The following DPP6 variants were observed in gnomAD, a reference collection of about 807,000 sequenced individuals.
The protein encoded by DPP6 is dipeptidyl peptidase like 6.
Under a neutral mutation model 122.6 loss-of-function variants are expected in DPP6, and 69 were observed. The observed-to-expected ratio is 0.56, with a 90% CI of 0.46 to 0.69. DPP6 has a LOEUF of 0.69. DPP6 is among the 30% of genes least tolerant of loss of function. The pLI, the probability that DPP6 is intolerant of heterozygous loss-of-function variation, is 0.00. For missense variants in DPP6, 928 were observed against 1,116.9 expected (o/e 0.83, Z 2.41); for synonymous variants, 418 against 433.1 (o/e 0.97, Z 0.43).
intron 6 of DPP6, among the ~76,000 whole-genome samples, chr7:154,665,040 T>C (rs1586844148): frequency 6.6e-6 from 1 of 152,220 alleles, no homozygotes; most frequent in East Asian, 1.9e-4. Context: ...TCTTTCTTCT[T>C]AGCACCCTCC....
At chr7:154,595,384 C>G (rs1480854161) in intron 5 of DPP6, among the ~76,000 whole-genome samples, 1 of 152,152 alleles carries the variant, frequency 6.6e-6, no homozygotes, top group African/African-American at 2.4e-5. Context: ...TCTACTCTGA[C>G]CTTGAGAAGG....
At chr7:153,765,988 A>G in the DPP6 span, among the ~76,000 whole-genome samples, 1 of 152,228 alleles carries the variant, frequency 6.6e-6, no homozygotes, top group Non-Finnish European at 1.5e-5. Context: ...AAGATTCTGC[A>G]TTTCTTACAA....
At chr7:154,557,112 T>C (rs147234785) in intron 4 of DPP6, among the ~76,000 whole-genome samples, 171 of 152,302 alleles carry the variant, frequency 1.1e-3, no homozygotes, top group African/African-American at 4.0e-3. Context: ...GGGAAGTTTG[T>C]TGATTTCAGG....
intron 1 of DPP6, among the ~76,000 whole-genome samples, chr7:153,935,382 C>T (rs1339359443): frequency 1.3e-5 from 2 of 152,114 alleles, no homozygotes; most frequent in Non-Finnish European, 2.9e-5. Flanking sequence ...GACAACTTCT[C>T]ATGTCAGCGT....
chr7:154,490,864 C>T (rs1013326068), intron 3 of DPP6, among the ~76,000 whole-genome samples: 24 of 152,114 alleles, frequency 1.6e-4, no homozygotes, highest in African/African-American at 3.1e-4. Flanking sequence ...GAGTGACAGC[C>T]GGAGACCAGG....
chr7:153,970,921 A>C (rs1381215687), intron 1 of DPP6, among the ~76,000 whole-genome samples: 1 of 152,040 alleles, frequency 6.6e-6, no homozygotes, highest in Admixed American at 6.6e-5. Context: ...CAGGTCGTTT[A>C]AGTCTTCAGA....
At chr7:153,886,112 T>TACACACACACACACACACACACACAC, upstream of DPP6, among the ~76,000 whole-genome samples, 1 of 140,414 alleles carries the variant, frequency 7.1e-6, no homozygotes, top group African/African-American at 2.7e-5. Context: ...GGCACGCCCT[T>TACACACACACACACACACACACACAC]ACACACACAC....
chr7:154,707,265 A>G (rs1840885048), intron 7 of DPP6, among the ~76,000 whole-genome samples: 1 of 152,224 alleles, frequency 6.6e-6, no homozygotes, highest in Non-Finnish European at 1.5e-5. Context: ...ATTTTCTCCC[A>G]TAAATTATCT....
chr7:154,127,361 AT>A (rs1807962985), intron 1 of DPP6, among the ~76,000 whole-genome samples: 1 of 152,148 alleles, frequency 6.6e-6, no homozygotes, highest in Non-Finnish European at 1.5e-5. Context: ...GATAAGAGGC[AT>A]TTTAGGTATA....
At chr7:154,479,570 A>AAAAAAAAAAAAAAG (rs572938567) in intron 3 of DPP6, among the ~76,000 whole-genome samples, 25 of 101,556 alleles carry the variant, frequency 2.5e-4, no homozygotes, top group African/African-American at 8.1e-4. Flanking sequence ...AAAAAAAAAA[A>AAAAAAAAAAAAAAG]AAAAGAAAAG....
intron 3 of DPP6, among the ~76,000 whole-genome samples, chr7:154,525,772 T>G (rs2130035469): frequency 6.6e-6 from 1 of 152,202 alleles, no homozygotes; most frequent in African/African-American, 2.4e-5. Context: ...TTTTGAGTTT[T>G]GCTTCTTGTA....
At chr7:154,141,826 G>C (rs1795862033) in intron 1 of DPP6, among the ~76,000 whole-genome samples, 1 of 152,210 alleles carries the variant, frequency 6.6e-6, no homozygotes, top group African/African-American at 2.4e-5. Context: ...AGTCAGGAAG[G>C]AAGTGTAGCT....
intron 1 of DPP6, among the ~76,000 whole-genome samples, chr7:154,159,345 G>A (rs1270218284): frequency 2.0e-5 from 3 of 152,100 alleles, no homozygotes; most frequent in Non-Finnish European, 4.4e-5. Flanking sequence ...TGAAATGTTA[G>A]GTCTGATCTG....
At chr7:153,839,913 G>A in the DPP6 span, among the ~76,000 whole-genome samples, 1 of 152,156 alleles carries the variant, frequency 6.6e-6, no homozygotes, top group Non-Finnish European at 1.5e-5. Context: ...AGAACTGTGG[G>A]TCTTTATCCA....
chr7:154,109,744 T>A lies in DPP6; in HGVS notation c.243+56681T>A, dbSNP rs1207186077. Among the ~76,000 whole-genome samples the A allele has an allele frequency of 6.3e-3, 934 of 149,004 alleles. 14 individuals are homozygous for A. Among genetic ancestry groups the A allele is most frequent in the African/African-American group, 0.022 (906 of 40,804 alleles). ...GACAGTAAGAATTTTGTGAGTTGCA[T>A]AATAGTCCATTGATTACCCTTTGTC... On this transcript the variant is annotated intron_variant, in intron 1 of 25. Transcript: ENST00000377770.
At chr7:154,148,445 G>A (rs1298254096) in intron 1 of DPP6, among the ~76,000 whole-genome samples, 70 of 150,422 alleles carry the variant, frequency 4.7e-4, no homozygotes, top group African/African-American at 1.2e-3. Flanking sequence ...GCTTTCTGAC[G>A]TGTGACCGTG....
chr7:153,903,272 C>A (rs1178987647), intron 1 of DPP6, among the ~76,000 whole-genome samples: 2 of 152,166 alleles, frequency 1.3e-5, no homozygotes, highest in Non-Finnish European at 2.9e-5. Context: ...TAAGGAGCAG[C>A]CATAGGGGTG....
chr7:153,924,571 C>A (rs1178891736), intron 1 of DPP6, among the ~76,000 whole-genome samples: 1 of 152,218 alleles, frequency 6.6e-6, no homozygotes, highest in African/African-American at 2.4e-5. Flanking sequence ...TTTTCTAGAG[C>A]TTTCCTTCTG....
intron 1 of DPP6, among the ~76,000 whole-genome samples, chr7:154,018,273 G>A (rs1340741592): frequency 1.3e-5 from 2 of 151,952 alleles, no homozygotes; most frequent in Non-Finnish European, 2.9e-5. Flanking sequence ...GGCCAACACA[G>A]TGCCTGGCAC....
Sources: gnomAD v4.1 joint callset for allele counts (sites outside exome capture counted in the v4.1 genomes callset) on GRCh38, gnomAD v4.1.1 for gene constraint, MANE v1.5 for transcripts, NCBI Gene and HGNC (gene_info 2026-07-23, HGNC 2026-07-21) for gene names.